ABCA13: variants seen among roughly 807,000 people sequenced by gnomAD.
The protein encoded by ABCA13 is ATP-binding cassette sub-family A member 13.
ABCA13 carries 476 observed loss-of-function variants against 478.7 expected under a neutral mutation model. The observed-to-expected ratio is 0.99, with a 90% CI of 0.92 to 1.07. The LOEUF (loss-of-function observed/expected upper bound fraction) is 1.07. Ranked by LOEUF, ABCA13 falls within the 50% of genes least tolerant of loss-of-function variation. ABCA13 has a pLI of 0.00. For synonymous variants in ABCA13, 2,252 were observed against 2,158.9 expected (o/e 1.04, Z -1.20); for missense variants, 6,060 against 5,910.6 (o/e 1.03, Z -0.83).
chr7:48,417,840 G>A (rs1820234346), intron 41 of ABCA13, among the ~76,000 whole-genome samples: 1 of 152,096 alleles, frequency 6.6e-6, no homozygotes. Context: ...ATTCCTCCCT[G>A]CCCGAAGCCC....
At chr7:48,313,603 T>C (rs1377067137) in intron 25 of ABCA13, among the ~76,000 whole-genome samples, 1 of 152,258 alleles carries the variant, frequency 6.6e-6, no homozygotes, top group Non-Finnish European at 1.5e-5. Flanking sequence ...TATTTACTTA[T>C]AAATAATTGG....
At chr7:48,383,863 G>A (rs773902774) in intron 35 of ABCA13, among the ~76,000 whole-genome samples, 4 of 152,120 alleles carry the variant, frequency 2.6e-5, no homozygotes, top group Non-Finnish European at 5.9e-5. Flanking sequence ...TTTATCATAA[G>A]CATTTATCCA....
At chr7:48,431,387 C>CAACAACAACAAA (rs1242464230) in intron 42 of ABCA13, among the ~76,000 whole-genome samples, 6 of 142,514 alleles carry the variant, frequency 4.2e-5, no homozygotes, top group African/African-American at 1.5e-4. Flanking sequence ...ACAACAACAA[C>CAACAACAACAAA]AAATCTCTTT....
Position 48,414,917 on chromosome 7 carries a change from C to T in ABCA13, c.12459+2334C>T, listed in dbSNP as rs745780550. ...GTGGGATTGCATGAGACGTTGCTGC[C>T]GTAGCTTTGGAGTGACCACGGAGCT... On this transcript the variant is annotated intron_variant, in intron 41 of 61. Transcript: ENST00000435803. Among the ~76,000 whole-genome samples the T allele has an allele frequency of 5.3e-5, 8 of 152,242 alleles. No individual in the cohort carries two copies. The South Asian group carries it at 6.2e-4, about 12-fold the overall frequency.
intron 15 of ABCA13, among the ~76,000 whole-genome samples, chr7:48,252,975 A>C (rs1015780801): frequency 1.3e-5 from 2 of 152,150 alleles, no homozygotes; most frequent in Non-Finnish European, 2.9e-5. Context: ...TCATTGCCCA[A>C]AATGTTTTAA....
chr7:48,224,519 A>G (rs1787869554), intron 5 of ABCA13, among the ~76,000 whole-genome samples: 1 of 152,226 alleles, frequency 6.6e-6, no homozygotes, highest in Admixed American at 6.5e-5. Context: ...CCACTGCAAC[A>G]TGGATGTTGC....
At chr7:48,279,964 G>T in intron 18 of ABCA13, 44 bp downstream of exon 18, 1 of 1,479,684 alleles carries the variant, frequency 6.8e-7, no homozygotes, top group Admixed American at 2.6e-5. Context: ...CTCTACCGCA[G>T]TAGCTATAAA....
intron 53 of ABCA13, among the ~76,000 whole-genome samples, chr7:48,520,555 AAAT>A (rs1563387450): frequency 0.017 from 2,647 of 152,080 alleles, 81 homozygotes; most frequent in African/African-American, 0.06. Flanking sequence ...TCTTTTTTTA[AAAT>A]TTTTTTTATT....
chr7:48,253,060 C>T (rs1351036837), intron 15 of ABCA13, among the ~76,000 whole-genome samples: 1 of 152,176 alleles, frequency 6.6e-6, no homozygotes, highest in Non-Finnish European at 1.5e-5. Flanking sequence ...ATTCCACTTC[C>T]CTGCATACAT....
At chr7:48,211,836 G>C (rs960055867) in intron 3 of ABCA13, among the ~76,000 whole-genome samples, 1 of 151,922 alleles carries the variant, frequency 6.6e-6, no homozygotes, top group East Asian at 1.9e-4. Context: ...CTGGTATCCA[G>C]CTTGCCAGAC....
At chr7:48,268,208 G>A (rs963829617) in intron 15 of ABCA13, among the ~76,000 whole-genome samples, 3 of 151,976 alleles carry the variant, frequency 2.0e-5, no homozygotes, top group African/African-American at 4.8e-5. Context: ...CCAGGCAGGA[G>A]TGCAGTGGCG....
intron 20 of ABCA13, among the ~76,000 whole-genome samples, chr7:48,294,571 C>T (rs997267551): frequency 7.9e-5 from 12 of 151,372 alleles, no homozygotes; most frequent in Admixed American, 5.3e-4. Context: ...CTCAGCCTCC[C>T]GAGTAGCTGG....
chr7:48,350,103 A>G (rs1030750328), intron 29 of ABCA13, among the ~76,000 whole-genome samples: 2 of 152,186 alleles, frequency 1.3e-5, no homozygotes, highest in African/African-American at 4.8e-5. Context: ...TGCTCTATTT[A>G]TGTTTCGAAT....
intron 39 of ABCA13, among the ~76,000 whole-genome samples, chr7:48,407,408 G>GGA: frequency 6.6e-6 from 1 of 151,250 alleles, no homozygotes; most frequent in Non-Finnish European, 1.5e-5. Context: ...CCCAGGAGGT[G>GGA]GAGGTTGCAG....
chr7:48,644,589 C>CTTTTTTTTTTTTTTTTTTTTTTTTTTTT (rs71006572), intron 60 of ABCA13, 28 bp from the exon 61 acceptor site: 1 of 1,197,174 alleles, frequency 8.4e-7, no homozygotes, highest in Non-Finnish European at 1.1e-6. Flanking sequence ...TTATATGATA[C>CTTTTTTTTTTTTTTTTTTTTTTTTTTTT]TTTTTTTTTT....
In ABCA13 at chr7:48,524,378, C is replaced by T. The variant is rs77826822; in HGVS notation, c.14182C>T (p.Arg4728Ter). ...GTTATACAACCTTAGTAAACATTAT[C>T]GACGCTTTTTCCAGAATATTATTGC... ...LVLYNLSKHYRRFFQNIIAVQ... is the reference protein window; with the variant it reads ...LVLYNLSKHY Residue 4728 changes from arginine to a stop codon, truncating the protein, a stop_gained, in exon 54 of 62, where the codon CGA becomes TGA. Transcript: ENST00000435803. LOFTEE classifies it high-confidence loss of function. 1,979 of 1,613,006 alleles carry T rather than the reference C, an allele frequency of 1.2e-3. 4 individuals are homozygous for T. Among genetic ancestry groups the T allele is most frequent in the Non-Finnish European group, 1.6e-3 (1,936 of 1,179,480 alleles).
chr7:48,473,354 T>G (rs1827721661), intron 45 of ABCA13, among the ~76,000 whole-genome samples: 2 of 152,152 alleles, frequency 1.3e-5, no homozygotes, highest in African/African-American at 2.4e-5. Context: ...AGGAAAGGAA[T>G]GTGCTCACTG....
At chr7:48,257,536 C>A (rs535796690) in intron 15 of ABCA13, among the ~76,000 whole-genome samples, 1 of 152,172 alleles carries the variant, frequency 6.6e-6, no homozygotes, top group South Asian at 2.1e-4. Context: ...TATCAATAGC[C>A]TTTTCTGCAT....
At chr7:48,628,507 G>T (rs1793871600) in intron 59 of ABCA13, among the ~76,000 whole-genome samples, 1 of 152,186 alleles carries the variant, frequency 6.6e-6, no homozygotes, top group Admixed American at 6.6e-5. Flanking sequence ...TGAGCCAAAT[G>T]AATGCTTTTT....
Sources: allele counts gnomAD v4.1 joint callset (sites outside exome capture counted in the v4.1 genomes callset), GRCh38; gene constraint gnomAD v4.1.1; transcripts MANE v1.5; gene names NCBI Gene and HGNC (gene_info 2026-07-23, HGNC 2026-07-21).